TENM2: variants seen among roughly 807,000 people sequenced by gnomAD.
TENM2 encodes the protein teneurin-2.
Under a neutral mutation model 245.2 loss-of-function variants are expected in TENM2, and 52 were observed. The ratio of observed to expected loss-of-function variants is 0.21; its 90% CI spans 0.17 to 0.27. TENM2 has a LOEUF of 0.27. Among genes scored for constraint, TENM2 ranks in the 10% least tolerant of loss-of-function variants. TENM2 has a pLI of 1.00. For synonymous variants in TENM2, 1,363 were observed against 1,438.9 expected (o/e 0.95, Z 1.19); for missense variants, 3,046 against 3,666.8 (o/e 0.83, Z 4.37).
chr5:167,103,484 C>A, the TENM2 span, among the ~76,000 whole-genome samples: 1 of 152,198 alleles, frequency 6.6e-6, no homozygotes, highest in Non-Finnish European at 1.5e-5. Flanking sequence ...AGCAGAAGCT[C>A]ATGAGTCACA....
the TENM2 span, among the ~76,000 whole-genome samples, chr5:167,219,323 ACAAACAAG>A: frequency 6.8e-6 from 1 of 146,864 alleles, no homozygotes; most frequent in African/African-American, 2.7e-5. Flanking sequence ...AAACAAACAA[ACAAACAAG>A]CAAAACAAAA....
intron 15 of TENM2, among the ~76,000 whole-genome samples, chr5:168,196,989 A>G (rs1377948139): frequency 6.6e-6 from 1 of 152,178 alleles, no homozygotes; most frequent in Non-Finnish European, 1.5e-5. Flanking sequence ...TGGAAGTCAC[A>G]GGACGTGCTT....
the TENM2 span, among the ~76,000 whole-genome samples, chr5:167,037,828 G>A: frequency 1.3e-5 from 2 of 152,208 alleles, no homozygotes; most frequent in African/African-American, 4.8e-5. Flanking sequence ...AGTCTTCAGA[G>A]AGTGACTCAG....
At chr5:168,237,972 C>G (rs1765657223) in intron 25 of TENM2, among the ~76,000 whole-genome samples, 1 of 151,184 alleles carries the variant, frequency 6.6e-6, no homozygotes, top group African/African-American at 2.4e-5. Context: ...GAAACCCCGT[C>G]TCTACTAAAA....
At chr5:168,169,881 T>C (rs1451335492) in intron 13 of TENM2, among the ~76,000 whole-genome samples, 2 of 152,208 alleles carry the variant, frequency 1.3e-5, no homozygotes, top group Non-Finnish European at 2.9e-5. Flanking sequence ...TCCAAAGACC[T>C]TGTGGCAAAT....
chr5:167,207,222 C>G, the TENM2 span, among the ~76,000 whole-genome samples: 1 of 152,170 alleles, frequency 6.6e-6, no homozygotes, highest in African/African-American at 2.4e-5. Flanking sequence ...GGACTGGGAA[C>G]CTTTGCCTTG....
At chr5:167,324,034 G>A (rs897035332) in intron 1 of TENM2, among the ~76,000 whole-genome samples, 2 of 152,164 alleles carry the variant, frequency 1.3e-5, no homozygotes, top group South Asian at 2.1e-4. Flanking sequence ...CGTCTTAGCC[G>A]TGACCTTCAT....
chr5:167,432,686 T>G (rs1764320885), intron 2 of TENM2, among the ~76,000 whole-genome samples: 1 of 152,170 alleles, frequency 6.6e-6, no homozygotes, highest in Non-Finnish European at 1.5e-5. Flanking sequence ...TGGTGCTGCT[T>G]TTCATAAGTG....
chr5:167,692,259 A>C (rs914805970), intron 2 of TENM2, among the ~76,000 whole-genome samples: 1 of 152,198 alleles, frequency 6.6e-6, no homozygotes, highest in Non-Finnish European at 1.5e-5. Flanking sequence ...AATAATTATT[A>C]AAAAGGTCAA....
At chr5:167,654,202 T>C (rs550823849) in intron 2 of TENM2, among the ~76,000 whole-genome samples, 1 of 152,262 alleles carries the variant, frequency 6.6e-6, no homozygotes, top group Admixed American at 6.5e-5. Flanking sequence ...TTATGGCATG[T>C]ATGCTGTTCA....
At chr5:167,872,510 AAGAAAGAAAGAAAGAAAG>A (rs1561881149) in intron 2 of TENM2, among the ~76,000 whole-genome samples, 12 of 15,166 alleles carry the variant, frequency 7.9e-4, no homozygotes, top group African/African-American at 1.5e-3. Flanking sequence ...GAAAGAAAGA[AAGAAAGAAAGAAAGAAAG>A]AAAGAAAGAA....
intron 19 of TENM2, among the ~76,000 whole-genome samples, chr5:168,205,239 G>A (rs995178124): frequency 6.6e-6 from 1 of 151,554 alleles, no homozygotes; most frequent in African/African-American, 2.4e-5. Flanking sequence ...AGAGAAATAA[G>A]ATCTATAAGA....
chr5:167,356,965 A>G (rs1759373452), intron 1 of TENM2, among the ~76,000 whole-genome samples: 1 of 152,206 alleles, frequency 6.6e-6, no homozygotes, highest in South Asian at 2.1e-4. Context: ...TAGAACTTAA[A>G]GCTTTTCCGT....
rs899198915 is a variant in TENM2, at chr5:167,666,034, G to A, written c.503-209952G>A. On this transcript the variant is annotated intron_variant, in intron 2 of 28. Transcript: ENST00000518659. The stretch of plus-strand genomic sequence containing the variant: ...GTTTTCTACTAGACCAGAGGCAGAG[G>A]TATTTGTGTAAAACAGGCGATTCCC... Among the ~76,000 whole-genome samples the A allele has an allele frequency of 3.3e-5, 5 of 152,304 alleles. No individual in the cohort carries two copies. In the South Asian group the frequency reaches 6.2e-4, roughly 19 times the overall value.
intron 2 of TENM2, among the ~76,000 whole-genome samples, chr5:167,619,434 G>A (rs917820931): frequency 2.6e-5 from 4 of 152,098 alleles, no homozygotes; most frequent in African/African-American, 9.7e-5. Flanking sequence ...CTGTGAAATT[G>A]AACCTAGAGG....
chr5:167,890,784 G>T (rs1374224319), intron 3 of TENM2, among the ~76,000 whole-genome samples: 1 of 152,078 alleles, frequency 6.6e-6, no homozygotes, highest in Non-Finnish European at 1.5e-5. Context: ...CATCAATGAT[G>T]ATGATAATGA....
At chr5:167,257,752 T>A in the TENM2 span, among the ~76,000 whole-genome samples, 1 of 152,090 alleles carries the variant, frequency 6.6e-6, no homozygotes, top group African/African-American at 2.4e-5. Context: ...AGTGAAGTGA[T>A]GTAAATGTCA....
rs192183185 is a variant in TENM2 at position 168,036,771 on chromosome 5, G to A, written c.1187-10656G>A. The stretch of plus-strand genomic sequence containing the variant: ...TATATATGTATGTGTATATATATAC[G>A]TATGTGTATATATATATAAATTGTC... On this transcript the variant is annotated intron_variant, in intron 5 of 28. Transcript: ENST00000518659. Among the ~76,000 whole-genome samples, 159 of 142,886 alleles carry A rather than the reference G, an allele frequency of 1.1e-3. 1 individual carries two copies. The highest frequency in any genetic ancestry group is 0.01 in the East Asian group (50 of 4,932). The allele number at this position is 142,886 out of a possible 152,430, so 93.7% of individuals were successfully genotyped here.
chr5:167,846,456 G>C (rs1462824684), intron 2 of TENM2, among the ~76,000 whole-genome samples: 3 of 152,300 alleles, frequency 2.0e-5, no homozygotes, highest in African/African-American at 7.2e-5. Context: ...GGCAAGAGAA[G>C]CTCTGGCCAT....
Sources: allele counts gnomAD v4.1 joint callset (sites outside exome capture counted in the v4.1 genomes callset), GRCh38; gene constraint gnomAD v4.1.1; transcripts MANE v1.5; gene names NCBI Gene and HGNC (gene_info 2026-07-23, HGNC 2026-07-21).